MYO7B: variants seen among roughly 807,000 people sequenced by gnomAD.
MYO7B encodes unconventional myosin-VIIb.
In MYO7B, 212 loss-of-function variants were observed where a neutral mutation model predicts 259.7. The ratio of observed to expected loss-of-function variants is 0.82; its 90% CI spans 0.73 to 0.91. The LOEUF (loss-of-function observed/expected upper bound fraction) is 0.91, where lower values mean the gene tolerates loss of function less well. Among genes scored for constraint, MYO7B ranks in the 40% least tolerant of loss-of-function variants. The pLI is 0.00. For missense variants in MYO7B, 2,732 were observed against 2,813.5 expected, an observed-to-expected ratio of 0.97 and a Z score of 0.66; for synonymous variants, 1,197 against 1,166.4, an observed-to-expected ratio of 1.03 and a Z score of -0.54.
chr2:127,555,524 A>T (rs1243881621), intron 1 of MYO7B, among the ~76,000 whole-genome samples: 1 of 152,136 alleles, frequency 6.6e-6, no homozygotes. Flanking sequence ...TTTTTGATGT[A>T]GGCATTTAAG....
chr2:127,569,082 C>A (rs1678477264), intron 5 of MYO7B, among the ~76,000 whole-genome samples: 1 of 151,804 alleles, frequency 6.6e-6, no homozygotes, highest in South Asian at 2.1e-4. Flanking sequence ...GTGGCAGCCA[C>A]CAGTAATCCC....
At chr2:127,541,871 C>T (rs940995810) in intron 1 of MYO7B, among the ~76,000 whole-genome samples, 3 of 152,244 alleles carry the variant, frequency 2.0e-5, no homozygotes, top group African/African-American at 7.2e-5. Context: ...AGAGCAGGGT[C>T]TCTTCCCCGG....
At chr2:127,549,143 T>C (rs1693349035) in intron 1 of MYO7B, among the ~76,000 whole-genome samples, 2 of 84,746 alleles carry the variant, frequency 2.4e-5, no homozygotes, top group African/African-American at 7.8e-5. Context: ...CTTTCTTTCT[T>C]CTTTCTTCCT....
intron 2 of MYO7B, among the ~76,000 whole-genome samples, chr2:127,562,283 CTAATTT>C (rs1036538795): frequency 2.0e-5 from 3 of 151,982 alleles, no homozygotes; most frequent in Non-Finnish European, 2.9e-5. Flanking sequence ...CTTCCTAATT[CTAATTT>C]TATTTTATTT....
At chr2:127,562,488 T>TG (rs1678141914) in intron 2 of MYO7B, among the ~76,000 whole-genome samples, 2 of 138,340 alleles carry the variant, frequency 1.4e-5, no homozygotes, top group African/African-American at 5.4e-5. Context: ...TATTGTTTTT[T>TG]TTTTTTTTTT....
rs1678923710 is a variant in MYO7B, at chr2:127,577,604, C to T, written c.850-529C>T. On this transcript the variant is annotated intron_variant, in intron 8 of 47. Coordinates refer to ENST00000409816, the MANE Select transcript of MYO7B (RefSeq NM_001393586.1). This position sits in a 1 kb window ranked among gnomAD's most constrained non-coding sequence, Gnocchi z 5.2. The stretch of plus-strand genomic sequence containing the variant: ...CTCGTGGCCTTGCTCCCATCATCCT[C>T]TGCCTAAACTGCCCTCTGTCCTCAG... Among the ~76,000 whole-genome samples, 2 of 152,194 alleles carry T rather than the reference C, an allele frequency of 1.3e-5. No individual in the cohort carries two copies. Among genetic ancestry groups the T allele is most frequent in the Non-Finnish European group, 1.5e-5 (1 of 68,022 alleles).
chr2:127,634,999 G>A, intron 42 of MYO7B, 121 bp from the exon 43 acceptor site: 3 of 775,970 alleles, frequency 3.9e-6, no homozygotes, highest in Non-Finnish European at 6.5e-6. Context: ...GGACTGGGGA[G>A]GAAGAAGCGT....
At position 127,587,770 on chromosome 2, in the gene MYO7B, T is replaced by C. The variant is rs865996375; in HGVS notation, c.1691-622T>C. On this transcript the variant is annotated intron_variant, in intron 14 of 47. Transcript: ENST00000409816. Reference sequence around the variant, plus strand: ...TTTTAGTAGAGACAGGGTTTCACCATGTTGGTCAGGCTGGTCTCGAACTCC... The same window carrying C: ...TTTTAGTAGAGACAGGGTTTCACCACGTTGGTCAGGCTGGTCTCGAACTCC... Among the ~76,000 whole-genome samples, 10 of 152,174 alleles carry C rather than the reference T, an allele frequency of 6.6e-5. 1 individual carries two copies. The South Asian group carries it at 1.2e-3, about 19-fold the overall frequency.
intron 44 of MYO7B, 67 bp downstream of exon 44, chr2:127,635,974 A>C (rs145006409): frequency 6.7e-7 from 1 of 1,497,894 alleles, no homozygotes; most frequent in Non-Finnish European, 9.0e-7. Context: ...CACCAGTGCC[A>C]TGCCCTGCCT....
chr2:127,568,494 C>T (rs994836182), intron 5 of MYO7B, among the ~76,000 whole-genome samples: 1 of 152,206 alleles, frequency 6.6e-6, no homozygotes, highest in African/African-American at 2.4e-5. Flanking sequence ...AAACGCCTGG[C>T]GCTTGACAGG....
chr2:127,599,406 T>G (rs566917959), intron 19 of MYO7B, among the ~76,000 whole-genome samples: 38 of 152,358 alleles, frequency 2.5e-4, no homozygotes, highest in Middle Eastern at 3.4e-3. Flanking sequence ...CCTGCAGCCT[T>G]GCTGAGCTCA....
At position 127,578,483 on chromosome 2, in the gene MYO7B, C is replaced by A. The variant is rs184096202; in HGVS notation, c.1003+197C>A. 2.5e-3 allele frequency among the ~76,000 whole-genome samples: 388 copies of A among 152,288 alleles called. 2 individuals carry two copies. Among genetic ancestry groups the A allele is most frequent in the African/African-American group, 8.9e-3 (370 of 41,554 alleles). On this transcript the variant is annotated intron_variant, in intron 9 of 47. Transcript: ENST00000409816. ...GGAAAATGTCAAAGCTTAAGGCTCTCCACAGGTGGAGACCGGCCAATCATC... is the reference window on the plus strand; with the variant it reads ...GGAAAATGTCAAAGCTTAAGGCTCTACACAGGTGGAGACCGGCCAATCATC...
intron 25 of MYO7B, 24 bp downstream of exon 25, chr2:127,612,351 T>C: frequency 7.3e-7 from 1 of 1,373,864 alleles, no homozygotes; most frequent in Non-Finnish European, 1.0e-6. Context: ...ACAGAATCTC[T>C]GCTCCCAGCT....
intron 1 of MYO7B, among the ~76,000 whole-genome samples, chr2:127,558,005 T>C (rs1466004070): frequency 2.0e-5 from 3 of 152,140 alleles, no homozygotes; most frequent in Non-Finnish European, 4.4e-5. Flanking sequence ...GGGACTTAAT[T>C]AAACTAAAGA....
intron 7 of MYO7B, among the ~76,000 whole-genome samples, chr2:127,574,537 C>T (rs1374576540): frequency 6.6e-6 from 1 of 152,178 alleles, no homozygotes. Context: ...GAAACTCTGT[C>T]TCAAAAAAGA....
At position 127,550,999 on chromosome 2, in the gene MYO7B, G is replaced by A. The variant is rs369050379; in HGVS notation, c.-23-8701G>A. 6.6e-5 allele frequency among the ~76,000 whole-genome samples: 10 copies of A among 151,220 alleles called. No individual in the cohort carries two copies. The South Asian group carries it at 1.0e-3, about 16-fold the overall frequency. The stretch of plus-strand genomic sequence containing the variant: ...AGAAATCTAAGAGCAGCTTATCTGG[G>A]TGGTTCCGGCCCAGGGACCCTCATA... On this transcript the variant is annotated intron_variant, in intron 1 of 47. Transcript: ENST00000409816.
chr2:127,563,274 A>G (rs1678181654), intron 2 of MYO7B, among the ~76,000 whole-genome samples: 1 of 151,984 alleles, frequency 6.6e-6, no homozygotes, highest in Non-Finnish European at 1.5e-5. Flanking sequence ...GGGTTTCAGT[A>G]CCTCCGAACA....
At position 127,590,525 on chromosome 2, in the gene MYO7B, A is replaced by T. The variant is rs564705111; in HGVS notation, c.1992+296A>T. On this transcript the variant is annotated intron_variant, in intron 16 of 47. Transcript: ENST00000409816. This position sits in a 1 kb window ranked among gnomAD's most constrained non-coding sequence, Gnocchi z 4.6. The stretch of plus-strand genomic sequence containing the variant: ...CCTCAGTTTTCCCTTCTGTTAAGTC[A>T]GACTTGCTCCTGCCTGCAGGAATGC... Among the ~76,000 whole-genome samples, 1 of 152,360 alleles carries T rather than the reference A, an allele frequency of 6.6e-6. No individual in the cohort carries two copies. Among genetic ancestry groups the T allele is most frequent in the African/African-American group, 2.4e-5 (1 of 41,590 alleles).
At chr2:127,625,697 T>C (rs1160636392) in intron 31 of MYO7B, among the ~76,000 whole-genome samples, 162 bp downstream of exon 31, 2 of 152,142 alleles carry the variant, frequency 1.3e-5, no homozygotes, top group East Asian at 1.9e-4. Context: ...TCCCTTCAGG[T>C]TTAAGCAGTC....
Sources: gnomAD v4.1 joint callset for allele counts (sites outside exome capture counted in the v4.1 genomes callset) on GRCh38, gnomAD v4.1.1 for gene constraint, Gnocchi (gnomAD v3.1) non-coding constraint, MANE v1.5 for transcripts, NCBI Gene and HGNC (gene_info 2026-07-23, HGNC 2026-07-21) for gene names.